The following CCNK variants were observed in gnomAD, a reference collection of about 807,000 sequenced individuals.
CCNK encodes the protein cyclin K.
In CCNK, 9 loss-of-function variants were observed where a neutral mutation model predicts 65.0. That is an observed-to-expected ratio of 0.14 (90% CI 0.08 to 0.24). The LOEUF (loss-of-function observed/expected upper bound fraction) is 0.24, where lower values mean the gene tolerates loss of function less well. Among genes scored for constraint, CCNK ranks in the 10% least tolerant of loss-of-function variants. The pLI, the probability that CCNK is intolerant of heterozygous loss-of-function variation, is 1.00. For synonymous variants in CCNK, 279 were observed against 270.8 expected (o/e 1.03, Z -0.30); for missense variants, 474 against 720.0 (o/e 0.66, Z 3.91).
intron 1 of CCNK, among the ~76,000 whole-genome samples, chr14:99,483,325 G>A (rs1220596831): frequency 1.3e-5 from 2 of 152,040 alleles, no homozygotes; most frequent in Admixed American, 6.6e-5. Flanking sequence ...AAAGCTGGAG[G>A]ATCACACAAG....
At chr14:99,504,086 T>C (rs1168116100) in intron 9 of CCNK, 1 of 387,102 alleles carries the variant, frequency 2.6e-6, no homozygotes. Flanking sequence ...GCAAGGCCTC[T>C]TTGAAACACA....
chr14:99,499,036 A>C (rs1205276634), intron 4 of CCNK, among the ~76,000 whole-genome samples: 1 of 152,068 alleles, frequency 6.6e-6, no homozygotes, highest in Non-Finnish European at 1.5e-5. Context: ...CAAAGAAAAA[A>C]ATTGTTTTGT....
intron 1 of CCNK, chr14:99,492,029 T>C (rs1413437118): frequency 6.6e-6 from 1 of 152,236 alleles, no homozygotes. Context: ...AAGGAGCTCC[T>C]TCTCTCATGG....
intron 4 of CCNK, among the ~76,000 whole-genome samples, chr14:99,495,898 T>A (rs935095946): frequency 3.3e-5 from 5 of 152,220 alleles, no homozygotes; most frequent in Non-Finnish European, 5.9e-5. Context: ...AAAAATCCTC[T>A]TAATTGCCAT....
Position 99,492,691 on chromosome 14 carries a change from A to G in CCNK, c.14A>G (p.Lys5Arg), listed in dbSNP as rs1896620308. The stretch of plus-strand genomic sequence containing the variant: ...CTACTTCAATAAATGAAGGAGAATA[A>G]AGAAAATTCAAGCCCTTCAGTAACT... Reference protein sequence around the residue: MKENKENSSPSVTSA... With the variant: MKENRENSSPSVTSA... Residue 5 changes from lysine (K) to arginine (R), a missense_variant, in exon 2 of 11, where the codon AAA becomes AGA. Transcript: ENST00000389879. The G allele has an allele frequency of 6.2e-7, 1 of 1,606,290 alleles. No individual in the cohort carries two copies. Among genetic ancestry groups the G allele is most frequent in the African/African-American group, 1.3e-5 (1 of 74,228 alleles).
chr14:99,502,490 T>G, intron 7 of CCNK, 114 bp downstream of exon 7: 1 of 1,427,706 alleles, frequency 7.0e-7, no homozygotes, highest in African/African-American at 1.4e-5. Flanking sequence ...TGAGCAATAT[T>G]TCAGAAGCAT....
chr14:99,503,891 A>G, intron 9 of CCNK: 4 of 518,124 alleles, frequency 7.7e-6, no homozygotes, highest in South Asian at 7.1e-5. Flanking sequence ...AGTAACATAT[A>G]TAAAAGTATA....
chr14:99,488,152 C>G (rs1432823475), intron 1 of CCNK, among the ~76,000 whole-genome samples: 3 of 152,110 alleles, frequency 2.0e-5, no homozygotes, highest in Non-Finnish European at 4.4e-5. Context: ...AAGTCATTCT[C>G]CTGTGTAATC....
In CCNK at chr14:99,501,336, C is replaced by G. The variant is rs778240539; in HGVS notation, c.518-20C>G. 6.4e-7 allele frequency: 1 copy of G among 1,554,648 alleles called. No homozygotes were observed. The highest frequency in any genetic ancestry group is 1.7e-5 in the Admixed American group (1 of 59,758). ...AATTTTTCTATTGCTATTAATTTAC[C>G]TTTTTGTCCCCATTTCTAGGTGATA... is the stretch of plus-strand genomic sequence containing the variant. On this transcript the variant is annotated intron_variant, in intron 5 of 10. Transcript: ENST00000389879.
rs1896639125 is a variant in CCNK, at chr14:99,493,578, A to C, written c.262A>C (p.Lys88Gln). The C allele has an allele frequency of 6.2e-7, 1 of 1,605,380 alleles. No homozygotes were observed. Among genetic ancestry groups the C allele is most frequent in the Non-Finnish European group, 8.5e-7 (1 of 1,172,918 alleles). ...FHRFYMFHSF[K>Q]QFPRYVTGAC... ...TCGCTTCTATATGTTTCATTCCTTC[A>C]AGCAATTCCCAAGATATGTAAGTGT... The change falls in exon 3 of 11, where the codon AAG becomes CAG. Residue 88 changes from lysine (K) to glutamine (Q), a missense_variant. By Grantham distance (53) the Lys-to-Gln change is moderately conservative (BLOSUM62 1). Transcript: ENST00000389879.
intron 4 of CCNK, among the ~76,000 whole-genome samples, chr14:99,499,596 A>AC (rs1380546440): frequency 4.2e-4 from 64 of 152,274 alleles, no homozygotes; most frequent in African/African-American, 1.1e-3. Flanking sequence ...ATTCTCTCAA[A>AC]TTGTCCTCCC....
In CCNK at chr14:99,493,660, C is replaced by CTAAT. The variant is rs1207423233; in HGVS notation, c.279+68_279+71dup. ...TATTATTTCCACACAGTTTGGTGGA[C>CTAAT]TAATTATAAGCTCTATTTTTCTCAT... On this transcript the variant is annotated intron_variant, in intron 3 of 10. Coordinates refer to ENST00000389879, the MANE Select transcript of CCNK (RefSeq NM_001099402.2). 1.4e-5 allele frequency: 15 copies of CTAAT among 1,074,840 alleles called. No individual in the cohort carries two copies. The African/African-American group carries it at 2.0e-4, about 15-fold the overall frequency. The allele number at this position is 1,074,840 out of a possible 1,614,324, so 66.6% of individuals were successfully genotyped here.
At chr14:99,482,839 A>G (rs1896385678) in intron 1 of CCNK, among the ~76,000 whole-genome samples, 2 of 141,496 alleles carry the variant, frequency 1.4e-5, no homozygotes, top group Admixed American at 1.5e-4. Context: ...ATTTCAGGAC[A>G]TTATATTTGA....
chr14:99,500,876 G>T lies in CCNK; in HGVS notation c.517+5G>T. On this transcript the variant is annotated splice_donor_5th_base_variant and intron_variant, in intron 5 of 10. Coordinates refer to ENST00000389879, the MANE Select transcript of CCNK (RefSeq NM_001099402.2). ...AATATGCAAAGCAACTCAAAGGTAA[G>T]AAGAAAGTTTTCAGAAGAATTTTTT... 5 of 1,485,788 alleles carry T rather than the reference G, an allele frequency of 3.4e-6. No homozygotes were observed. Among genetic ancestry groups the T allele is most frequent in the Non-Finnish European group, 4.5e-6 (5 of 1,099,250 alleles). 92.0% of individuals were successfully genotyped at this position (1,485,788 alleles called of 1,614,324 possible).
chr14:99,484,065 G>A (rs1171074093), intron 1 of CCNK, among the ~76,000 whole-genome samples: 2 of 152,192 alleles, frequency 1.3e-5, no homozygotes, highest in Non-Finnish European at 2.9e-5. Context: ...AAATTTACTT[G>A]GTGTGATTAC....
chr14:99,498,768 C>G (rs992451917), intron 4 of CCNK, among the ~76,000 whole-genome samples: 4 of 152,110 alleles, frequency 2.6e-5, no homozygotes, highest in Non-Finnish European at 5.9e-5. Flanking sequence ...TAGCATTCCA[C>G]CCAGGGACCC....
In CCNK at chr14:99,492,613, C is replaced by A; in HGVS notation, c.-52-13C>A. Reference sequence around the variant, plus strand: ...AGTATTCCTTTCCAACTTTGTTTTTCTCTTTCTCATAGGATTCTAACATTT... The same window carrying A: ...AGTATTCCTTTCCAACTTTGTTTTTATCTTTCTCATAGGATTCTAACATTT... On this transcript the variant is annotated splice_polypyrimidine_tract_variant and intron_variant, in intron 1 of 10. Transcript: ENST00000389879. 1 of 1,398,660 alleles carries A rather than the reference C, an allele frequency of 7.1e-7. No individual in the cohort carries two copies. The highest frequency in any genetic ancestry group is 9.7e-7 in the Non-Finnish European group (1 of 1,027,250). 86.6% of individuals were successfully genotyped at this position (1,398,660 alleles called of 1,614,324 possible).
intron 1 of CCNK, among the ~76,000 whole-genome samples, chr14:99,484,720 C>T (rs934511110): frequency 6.6e-6 from 1 of 152,106 alleles, no homozygotes; most frequent in African/African-American, 2.4e-5. Flanking sequence ...CCCAGCAATG[C>T]CATAGGCTGT....
At chr14:99,501,196 T>C (rs996686234) in intron 5 of CCNK, 160 bp from the exon 6 acceptor site, 1 of 627,464 alleles carries the variant, frequency 1.6e-6, no homozygotes, top group African/African-American at 1.8e-5. Context: ...GAAGAAGGGG[T>C]AGGATGTGGA....
Sources: gnomAD v4.1 joint callset for allele counts (sites outside exome capture counted in the v4.1 genomes callset) on GRCh38, gnomAD v4.1.1 for gene constraint, MANE v1.5 for transcripts, NCBI Gene and HGNC (gene_info 2026-07-23, HGNC 2026-07-21) for gene names.